Variants in KIAA1549L observed in about 807,000 individuals in gnomAD.
The protein encoded by KIAA1549L is KIAA1549 like.
KIAA1549L carries 88 observed loss-of-function variants against 160.7 expected under a neutral mutation model. That is an observed-to-expected ratio of 0.55 (90% CI 0.46 to 0.65). The LOEUF (loss-of-function observed/expected upper bound fraction) is 0.65, where lower values mean the gene tolerates loss of function less well. Among genes scored for constraint, KIAA1549L ranks in the 30% least tolerant of loss-of-function variants. KIAA1549L has a pLI of 0.00. For missense variants in KIAA1549L, 2,258 were observed against 2,437.5 expected (o/e 0.93, Z 1.55); for synonymous variants, 950 against 976.7 (o/e 0.97, Z 0.51).
chr11:33,636,655 A>G (rs1215609845), intron 16 of KIAA1549L, among the ~76,000 whole-genome samples: 1 of 152,186 alleles, frequency 6.6e-6, no homozygotes, highest in East Asian at 1.9e-4. Context: ...TACCCATGAA[A>G]TTGTGAACAG....
At chr11:33,575,676 T>G (rs1216591547) in intron 10 of KIAA1549L, among the ~76,000 whole-genome samples, 1 of 152,192 alleles carries the variant, frequency 6.6e-6, no homozygotes. Flanking sequence ...CGTGAAGATT[T>G]CAGCAGAGGG....
chr11:33,527,577 A>T (rs1263060821), intron 1 of KIAA1549L, among the ~76,000 whole-genome samples: 2 of 152,218 alleles, frequency 1.3e-5, no homozygotes, highest in African/African-American at 4.8e-5. Context: ...AAAAACAAAG[A>T]TAAATAGATA....
intron 16 of KIAA1549L, among the ~76,000 whole-genome samples, chr11:33,638,765 GTTCTAA>G (rs1851511560): frequency 6.6e-6 from 1 of 152,274 alleles, no homozygotes; most frequent in Non-Finnish European, 1.5e-5. Context: ...CAGTATAACA[GTTCTAA>G]TTCTAGTCTT....
intron 13 of KIAA1549L, among the ~76,000 whole-genome samples, chr11:33,605,287 CAG>C (rs146365380): frequency 0.033 from 5,068 of 152,030 alleles, 285 homozygotes; most frequent in African/African-American, 0.12. Context: ...GTATGAATAT[CAG>C]GGGGTGAGAA....
chr11:33,555,068 T>C (rs7929102), intron 6 of KIAA1549L, among the ~76,000 whole-genome samples: 61,558 of 151,920 alleles, frequency 0.41, 13,900 homozygotes, highest in East Asian at 0.65. Context: ...TTTTTGGAGC[T>C]AGTCTTAAGT....
At chr11:33,624,716 C>A (rs1169496931) in intron 16 of KIAA1549L, among the ~76,000 whole-genome samples, 4 of 149,618 alleles carry the variant, frequency 2.7e-5, no homozygotes, top group Admixed American at 6.7e-5. Flanking sequence ...ACCAAGTGGA[C>A]GATTTAAGAG....
intron 17 of KIAA1549L, among the ~76,000 whole-genome samples, chr11:33,654,846 C>T (rs756863211): frequency 5.3e-5 from 8 of 152,156 alleles, no homozygotes; most frequent in Non-Finnish European, 8.8e-5. Context: ...TCCTGGACCT[C>T]GTCGTTATTG....
At chr11:33,435,798 A>ATGTGTGTGTGTGTGTGTGTG (rs1254104673) in intron 1 of KIAA1549L, among the ~76,000 whole-genome samples, 3 of 7,624 alleles carry the variant, frequency 3.9e-4, no homozygotes, top group African/African-American at 8.1e-4. Context: ...ATATATATAT[A>ATGTGTGTGTGTGTGTGTGTG]TATATATATA....
intron 17 of KIAA1549L, among the ~76,000 whole-genome samples, chr11:33,650,613 A>G (rs865998184): frequency 1.3e-5 from 2 of 152,124 alleles, no homozygotes; most frequent in African/African-American, 2.4e-5. Context: ...CAGGCAGAGC[A>G]TAGCCGTATC....
intron 1 of KIAA1549L, among the ~76,000 whole-genome samples, chr11:33,500,301 TGTA>T (rs897299524): frequency 6.6e-6 from 1 of 152,156 alleles, no homozygotes; most frequent in African/African-American, 2.4e-5. Context: ...CCAGTGCTGT[TGTA>T]GTACTGATAT....
At chr11:33,440,138 TTTTTTTTTTG>T (rs1164132456) in intron 1 of KIAA1549L, among the ~76,000 whole-genome samples, 1 of 82,216 alleles carries the variant, frequency 1.2e-5, no homozygotes, top group African/African-American at 3.4e-5. Flanking sequence ...TTTTTTTTTT[TTTTTTTTTTG>T]AGACGGAGTC....
At chr11:33,520,947 G>A (rs965642496) in intron 1 of KIAA1549L, among the ~76,000 whole-genome samples, 10 of 152,004 alleles carry the variant, frequency 6.6e-5, no homozygotes, top group African/African-American at 2.2e-4. Flanking sequence ...AGGATTGCTT[G>A]AGGCCTAGAG....
At chr11:33,508,739 C>T (rs943615019) in intron 1 of KIAA1549L, among the ~76,000 whole-genome samples, 2 of 152,146 alleles carry the variant, frequency 1.3e-5, no homozygotes, top group African/African-American at 4.8e-5. Context: ...GCATCTGGAC[C>T]ACCCTCTTGA....
At chr11:33,658,126 T>G (rs1444020420) in intron 18 of KIAA1549L, among the ~76,000 whole-genome samples, 1 of 152,218 alleles carries the variant, frequency 6.6e-6, no homozygotes, top group African/African-American at 2.4e-5. Flanking sequence ...TTACACGGCT[T>G]TCTGAGCACT....
chr11:33,426,985 G>A (rs541908586), intron 1 of KIAA1549L, among the ~76,000 whole-genome samples: 2 of 152,142 alleles, frequency 1.3e-5, no homozygotes, highest in African/African-American at 4.8e-5. Context: ...GGTTTCTGTG[G>A]TCAAATGTGT....
chr11:33,440,120 CTTTTTTTT>C lies in KIAA1549L; in HGVS notation c.238+63251_238+63258del, dbSNP rs201551936. Among the ~76,000 whole-genome samples, 124 of 83,428 alleles carry C rather than the reference CTTTTTTTT, an allele frequency of 1.5e-3. 2 individuals carry two copies. The highest frequency in any genetic ancestry group is 5.4e-3 in the African/African-American group (115 of 21,318). 54.7% of individuals were successfully genotyped at this position (83,428 alleles called of 152,430 possible). On this transcript the variant is annotated intron_variant, in intron 1 of 20. Coordinates refer to ENST00000658780, the MANE Select transcript of KIAA1549L (RefSeq NM_012194.3). Reference sequence around the variant, plus strand: ...GGTTATTTCCTCACCTATTTTGTTTCTTTTTTTTTTTTTTTTTTTTTTTTTTTGAGACG... The same window carrying C: ...GGTTATTTCCTCACCTATTTTGTTTCTTTTTTTTTTTTTTTTTTTGAGACG...
chr11:33,581,470 T>C (rs745962849), intron 10 of KIAA1549L, among the ~76,000 whole-genome samples: 1 of 152,112 alleles, frequency 6.6e-6, no homozygotes, highest in Non-Finnish European at 1.5e-5. Flanking sequence ...TATTCATGTG[T>C]GTTAACTCGG....
Position 33,559,902 on chromosome 11 carries a change from A to G in KIAA1549L, c.4009A>G (p.Ile1337Val), listed in dbSNP as rs1330639994. 3.1e-6 allele frequency: 5 copies of G among 1,613,834 alleles called. No homozygotes were observed. The highest frequency in any genetic ancestry group is 1.1e-5 in the South Asian group (1 of 91,084). The part of the protein sequence containing the change: ...GFYLTYPPLT[I>V]AEPLEYPNLD... ...CTACCTCACCTATCCGCCGCTAACC[A>G]TTGCTGAACGTGAGTATGGCCATGC... is the stretch of plus-strand genomic sequence containing the variant. Residue 1337 changes from isoleucine (I) to valine (V), a missense_variant, in exon 7 of 21, where the codon ATT becomes GTT. Ile to Val is a conservative substitution (Grantham distance 29). Coordinates refer to ENST00000658780, the MANE Select transcript of KIAA1549L (RefSeq NM_012194.3).
intron 1 of KIAA1549L, among the ~76,000 whole-genome samples, chr11:33,421,450 T>C (rs908019991): frequency 2.6e-5 from 4 of 152,212 alleles, no homozygotes; most frequent in African/African-American, 9.6e-5. Flanking sequence ...ACCTGAGAGC[T>C]TGTTAGAAAT....
Sources: gnomAD v4.1 joint callset for allele counts (sites outside exome capture counted in the v4.1 genomes callset) on GRCh38, gnomAD v4.1.1 for gene constraint, MANE v1.5 for transcripts, NCBI Gene and HGNC (gene_info 2026-07-23, HGNC 2026-07-21) for gene names.